The following CDX4 variants were observed in gnomAD, a reference collection of about 807,000 sequenced individuals.
CDX4 encodes homeobox protein CDX-4.
Under a neutral mutation model 14.1 loss-of-function variants are expected in CDX4, and 11 were observed. The observed-to-expected ratio is 0.78, with a 90% CI of 0.49 to 1.29. The LOEUF (loss-of-function observed/expected upper bound fraction) is 1.29, where lower values mean the gene tolerates loss of function less well. Among genes scored for constraint, CDX4 ranks in the 50% most tolerant of loss-of-function variants. The pLI is 0.00. For missense variants in CDX4, 257 were observed against 237.4 expected (o/e 1.08, Z -0.54); for synonymous variants, 100 against 93.5 (o/e 1.07, Z -0.40).
At chrX:73,450,688 T>A (rs1345279724) in intron 1 of CDX4, among the ~76,000 whole-genome samples, 1 of 112,106 alleles carries the variant, frequency 8.9e-6, no homozygotes, top group African/African-American at 3.2e-5. Context: ...GGACAACTTT[T>A]TAAAAATGAA....
Position 73,454,709 on chromosome X carries a change from T to C in CDX4, c.*124T>C. ...TAAGGCAGTATTTGGAACAGATGGA[T>C]GCACAATGGGTTGAAGATAATTTAG... On this transcript the variant is annotated 3_prime_UTR_variant, in exon 3 of 3. Transcript: ENST00000373514. 2.1e-6 allele frequency: 1 copy of C among 477,977 alleles called. No homozygotes were observed. Among genetic ancestry groups the C allele is most frequent in the African/African-American group, 2.4e-5 (1 of 41,701 alleles). The allele number at this position is 477,977 out of a possible 1,213,427, so 39.4% of individuals were successfully genotyped here. A position where few individuals can be genotyped will look rare whatever the true frequency, so the allele number is the denominator to read the frequency against.
chrX:73,447,385 C>T lies in CDX4; in HGVS notation c.132C>T (p.Phe44=), dbSNP rs2147487873. ...GGGSPMPASN[F]AAAPAFSHYM... ...GGAGTCCGATGCCAGCCTCCAATTT[C>T]GCTGCGGCACCGGCTTTCTCGCACT... The change falls in exon 1 of 3, where the codon TTC becomes TTT. Residue 44 remains phenylalanine (F), a synonymous_variant. Coordinates refer to ENST00000373514, the MANE Select transcript of CDX4 (RefSeq NM_005193.2). The T allele has an allele frequency of 8.3e-7, 1 of 1,211,075 alleles. No individual in the cohort carries two copies. The highest frequency in any genetic ancestry group is 1.1e-6 in the Non-Finnish European group (1 of 895,187).
intron 2 of CDX4, among the ~76,000 whole-genome samples, chrX:73,454,102 G>C (rs2057098473): frequency 9.0e-6 from 1 of 111,322 alleles, no homozygotes; most frequent in African/African-American, 3.3e-5. Context: ...TTCTACCTGT[G>C]CAACAGAGGA....
At chrX:73,448,373 T>A (rs1703871347) in intron 1 of CDX4, among the ~76,000 whole-genome samples, 1 of 111,823 alleles carries the variant, frequency 8.9e-6, no homozygotes, top group Non-Finnish European at 1.9e-5. Flanking sequence ...AGAGGCAAAT[T>A]GGCCTAAAAT....
chrX:73,454,774 G>A lies in CDX4; in HGVS notation c.*189G>A. 4.8e-6 allele frequency: 2 copies of A among 418,759 alleles called. No homozygotes were observed. Among genetic ancestry groups the A allele is most frequent in the South Asian group, 7.9e-5 (2 of 25,343 alleles). 34.5% of individuals were successfully genotyped at this position (418,759 alleles called of 1,213,427 possible). ...TAGAAACTATCCCCAGAAAACTCCT[G>A]TCACGTGCTGTGCTATATGTCAGTC... is the stretch of plus-strand genomic sequence containing the variant. On this transcript the variant is annotated 3_prime_UTR_variant, in exon 3 of 3. Transcript: ENST00000373514.
At chrX:73,450,420 T>C (rs1490202164) in intron 1 of CDX4, among the ~76,000 whole-genome samples, 3 of 112,187 alleles carry the variant, frequency 2.7e-5, no homozygotes, top group Non-Finnish European at 3.8e-5. Flanking sequence ...AATATTTTCA[T>C]GCACTTTCAC....
Position 73,447,565 on chromosome X carries a change from C to T in CDX4, c.312C>T (p.Ser104=). ...TGCCGGTGAACGACGTGACCTCTAG[C>T]CCCGCCGCTTTCTGCTCGACCGACT... is the stretch of plus-strand genomic sequence containing the variant. ...GTVPVNDVTS[S]PAAFCSTDYS... is the part of the protein sequence containing the mutation. Residue 104 remains serine (S), a synonymous_variant, in exon 1 of 3, where the codon AGC becomes AGT. Coordinates refer to ENST00000373514, the MANE Select transcript of CDX4 (RefSeq NM_005193.2). 1 of 1,211,325 alleles carries T rather than the reference C, an allele frequency of 8.3e-7. No individual in the cohort carries two copies. Among genetic ancestry groups the T allele is most frequent in the Non-Finnish European group, 1.1e-6 (1 of 895,219 alleles).
intron 1 of CDX4, among the ~76,000 whole-genome samples, 187 bp from the exon 2 acceptor site, chrX:73,453,330 T>C (rs2057095232): frequency 1.8e-5 from 2 of 111,912 alleles, no homozygotes; most frequent in Non-Finnish European, 3.8e-5. Flanking sequence ...GAGATATTGC[T>C]ATCATAGCCA....
At chrX:73,453,720 T>G in intron 2 of CDX4, 58 bp downstream of exon 2, 1 of 1,057,471 alleles carries the variant, frequency 9.5e-7, no homozygotes, top group South Asian at 2.1e-5. Context: ...GAATCAGAAT[T>G]CTAGAATTGT....
rs146702029 is a variant in CDX4 at position 73,447,932 on chromosome X, C to G, written c.502+177C>G. Among the ~76,000 whole-genome samples, 165 of 112,312 alleles carry G rather than the reference C, an allele frequency of 1.5e-3. No individual in the cohort carries two copies. The East Asian group carries it at 0.025, about 17-fold the overall frequency. On this transcript the variant is annotated intron_variant, in intron 1 of 2. Coordinates refer to ENST00000373514, the MANE Select transcript of CDX4 (RefSeq NM_005193.2). ...CCCTCGCATTCGCCTGGGCTCAAAA[C>G]TCACTCACTGAGTGCAGCGATTGGG...
At chrX:73,449,068 T>C (rs1015700313) in intron 1 of CDX4, among the ~76,000 whole-genome samples, 3 of 111,536 alleles carry the variant, frequency 2.7e-5, no homozygotes, top group African/African-American at 9.8e-5. Flanking sequence ...TGCAAGTAAA[T>C]CTGCATTTTA....
intron 1 of CDX4, 78 bp downstream of exon 1, chrX:73,447,833 G>T: frequency 9.3e-7 from 1 of 1,074,210 alleles, no homozygotes; most frequent in Non-Finnish European, 1.2e-6. Context: ...GCCTGCCCTC[G>T]TACTTCTCAG....
In CDX4 at chrX:73,454,719, G is replaced by T; in HGVS notation, c.*134G>T. On this transcript the variant is annotated 3_prime_UTR_variant, in exon 3 of 3. Transcript: ENST00000373514. ...TTTGGAACAGATGGATGCACAATGG[G>T]TTGAAGATAATTTAGGGGACTCTTA... The T allele has an allele frequency of 2.2e-6, 1 of 461,419 alleles. No homozygotes were observed. Among genetic ancestry groups the T allele is most frequent in the Non-Finnish European group, 3.7e-6 (1 of 269,801 alleles). The allele number at this position is 461,419 out of a possible 1,213,427, so 38.0% of individuals were successfully genotyped here.
intron 1 of CDX4, among the ~76,000 whole-genome samples, chrX:73,453,267 T>C (rs773158171): frequency 1.8e-5 from 2 of 111,379 alleles, no homozygotes; most frequent in African/African-American, 3.3e-5. Flanking sequence ...GTTTTATATA[T>C]AAGGAGAGAT....
chrX:73,450,352 T>A (rs1027340574), intron 1 of CDX4, among the ~76,000 whole-genome samples: 12 of 111,962 alleles, frequency 1.1e-4, no homozygotes, highest in African/African-American at 3.9e-4. Flanking sequence ...TCTATACATA[T>A]CTAACTTTAA....
In CDX4 at chrX:73,447,667, G is replaced by C. The variant is rs148593166; in HGVS notation, c.414G>C (p.Pro138=). The C allele has an allele frequency of 6.6e-6, 8 of 1,207,772 alleles. No individual in the cohort carries two copies. Among genetic ancestry groups the C allele is most frequent in the Middle Eastern group, 4.6e-4 (2 of 4,350 alleles). The change falls in exon 1 of 3, where the codon CCG becomes CCC. Residue 138 remains proline, a synonymous_variant. Coordinates refer to ENST00000373514, the MANE Select transcript of CDX4 (RefSeq NM_005193.2). ...LPGQAGGSLV[P]TDAGAAKASS... Reference sequence around the variant, plus strand: ...GCCAGGCTGGCGGGTCGCTTGTCCCGACGGACGCAGGCGCCGCCAAGGCCA... The same window carrying C: ...GCCAGGCTGGCGGGTCGCTTGTCCCCACGGACGCAGGCGCCGCCAAGGCCA...
intron 1 of CDX4, among the ~76,000 whole-genome samples, chrX:73,450,268 A>T (rs1329339333): frequency 1.8e-5 from 2 of 112,169 alleles, no homozygotes; most frequent in Admixed American, 9.4e-5. Context: ...GATAGAGTAA[A>T]TGACTGTTCC....
At chrX:73,447,818 G>A in intron 1 of CDX4, 63 bp downstream of exon 1, 1 of 1,116,860 alleles carries the variant, frequency 9.0e-7, no homozygotes, top group Admixed American at 2.6e-5. Context: ...TACTTCTCTT[G>A]GTCGGCCTGC....
At chrX:73,450,102 G>T (rs1175617875) in intron 1 of CDX4, among the ~76,000 whole-genome samples, 10 of 112,069 alleles carry the variant, frequency 8.9e-5, no homozygotes, top group Non-Finnish European at 1.9e-5. Context: ...AGTAACCCTT[G>T]ATTAAGGTAG....
Sources: gnomAD v4.1 joint callset for allele counts (sites outside exome capture counted in the v4.1 genomes callset) on GRCh38, gnomAD v4.1.1 for gene constraint, MANE v1.5 for transcripts, NCBI Gene and HGNC (gene_info 2026-07-23, HGNC 2026-07-21) for gene names.